SMO: variants seen among roughly 807,000 people sequenced by gnomAD.
The protein encoded by SMO is smoothened, frizzled class receptor, also known as protein smoothened.
In SMO, 40 loss-of-function variants were observed where a neutral mutation model predicts 81.6. The observed-to-expected ratio is 0.49, with a 90% CI of 0.38 to 0.64. SMO has a LOEUF of 0.64. Among genes scored for constraint, SMO ranks in the 30% least tolerant of loss-of-function variants. The pLI, the probability that SMO is intolerant of heterozygous loss-of-function variation, is 0.00. For missense variants in SMO, 916 were observed against 1,061.1 expected, an observed-to-expected ratio of 0.86 and a Z score of 1.90; for synonymous variants, 434 against 432.1, an observed-to-expected ratio of 1.00 and a Z score of -0.05.
At chr7:129,201,578 A>C (rs1793670506) in intron 1 of SMO, among the ~76,000 whole-genome samples, 1 of 152,196 alleles carries the variant, frequency 6.6e-6, no homozygotes, top group Non-Finnish European at 1.5e-5. Context: ...ACTATTTTGT[A>C]GGCAAATCCT....
At position 129,189,489 on chromosome 7, in the gene SMO, G is replaced by T. The variant is rs1163111550; in HGVS notation, c.331+7G>T. ...AAGCTCGTGCTCTGGTCGGGTAAGT[G>T]CGGCGGAGCCGGGTCTGGGGGGCGG... On this transcript the variant is annotated splice_region_variant and intron_variant, in intron 1 of 11. Coordinates refer to ENST00000249373, the MANE Select transcript of SMO (RefSeq NM_005631.5). The surrounding 1 kb of genome is among the most constrained non-coding windows in gnomAD (Gnocchi z 4.7). 29 of 1,536,062 alleles carry T rather than the reference G, an allele frequency of 1.9e-5. No homozygotes were observed. The highest frequency in any genetic ancestry group is 2.4e-5 in the Non-Finnish European group (28 of 1,146,704).
intron 1 of SMO, among the ~76,000 whole-genome samples, chr7:129,197,887 T>C (rs1396171649): frequency 1.3e-5 from 2 of 152,164 alleles, no homozygotes; most frequent in African/African-American, 2.4e-5. Context: ...AAATAAAAAG[T>C]CTTTTTAAAA....
chr7:129,190,284 C>T (rs1584651950), intron 1 of SMO, among the ~76,000 whole-genome samples: 1 of 152,234 alleles, frequency 6.6e-6, no homozygotes, highest in Admixed American at 6.5e-5. Flanking sequence ...GTCCCAAAGC[C>T]CCCTCACTGG....
chr7:129,206,332 C>T lies in SMO; in HGVS notation c.1103C>T (p.Pro368Leu), dbSNP rs2150650303. The change falls in exon 5 of 12, where the codon CCC (proline) becomes CTC (leucine). Residue 368 changes from proline (P) to leucine (L), a missense_variant. By Grantham distance (98) the Pro-to-Leu change is moderately conservative. Transcript: ENST00000249373. The surrounding 1 kb of genome is among the most constrained non-coding windows in gnomAD (Gnocchi z 4.4). Reference protein sequence around the residue: ...SYFHLLTWSLPFVLTVAILAV... With the variant: ...SYFHLLTWSLLFVLTVAILAV... ...TTCCACCTGCTCACCTGGTCACTCC[C>T]CTTTGTCCTCACTGTGGCAATCCTT... 2 of 1,614,210 alleles carry T rather than the reference C, an allele frequency of 1.2e-6. No homozygotes were observed. Among genetic ancestry groups the T allele is most frequent in the East Asian group, 2.2e-5 (1 of 44,878 alleles).
At chr7:129,197,378 CTT>C (rs1457264266) in intron 1 of SMO, among the ~76,000 whole-genome samples, 6 of 151,988 alleles carry the variant, frequency 3.9e-5, no homozygotes, top group African/African-American at 9.7e-5. Context: ...AACGTTGTCT[CTT>C]ATTTCAAATT....
intron 1 of SMO, among the ~76,000 whole-genome samples, chr7:129,192,783 A>G (rs989153643): frequency 1.3e-5 from 2 of 152,106 alleles, no homozygotes; most frequent in African/African-American, 4.8e-5. Context: ...TTTAGGCAGG[A>G]GGTGTGGCTT....
chr7:129,212,358 A>G lies in SMO; in HGVS notation c.2271A>G (p.Ala757=), dbSNP rs1793889832. 6.2e-7 allele frequency: 1 copy of G among 1,614,090 alleles called. No individual in the cohort carries two copies. Among genetic ancestry groups the G allele is most frequent in the Non-Finnish European group, 8.5e-7 (1 of 1,180,030 alleles). ...PFLPSAPAPV[A]WAHGRRQGLG... is the part of the protein sequence containing the mutation. ...TGCCCAGTGCACCGGCCCCCGTGGC[A>G]TGGGCTCATGGCCGCCGACAGGGCC... is the stretch of plus-strand genomic sequence containing the variant. Residue 757 remains alanine, a synonymous_variant, in exon 12 of 12, where the codon GCA becomes GCG. Coordinates refer to ENST00000249373, the MANE Select transcript of SMO (RefSeq NM_005631.5). This position sits in a 1 kb window ranked among gnomAD's most constrained non-coding sequence, Gnocchi z 5.0.
At chr7:129,198,071 G>T (rs1441490070) in intron 1 of SMO, among the ~76,000 whole-genome samples, 2 of 151,878 alleles carry the variant, frequency 1.3e-5, no homozygotes, top group Admixed American at 6.6e-5. Flanking sequence ...CTAGTAATTT[G>T]TGTATTTCTT....
chr7:129,212,528 T>G lies in SMO; in HGVS notation c.*77T>G. 1 of 1,369,304 alleles carries G rather than the reference T, an allele frequency of 7.3e-7. No homozygotes were observed. Among genetic ancestry groups the G allele is most frequent in the Non-Finnish European group, 1.0e-6 (1 of 999,694 alleles). 84.8% of individuals were successfully genotyped at this position (1,369,304 alleles called of 1,614,324 possible). On this transcript the variant is annotated 3_prime_UTR_variant, in exon 12 of 12. Coordinates refer to ENST00000249373, the MANE Select transcript of SMO (RefSeq NM_005631.5). This position sits in a 1 kb window ranked among gnomAD's most constrained non-coding sequence, Gnocchi z 5.0. ...GCTCTTCTTCCTCACCGAGCATGCT[T>G]CCCTAGGATCCCGTCTTCCAGAGAA...
chr7:129,205,094 T>C lies in SMO; in HGVS notation c.538-109T>C, dbSNP rs2150647885. 2.2e-5 allele frequency: 20 copies of C among 911,128 alleles called. No individual in the cohort carries two copies. The South Asian group carries it at 2.8e-4, about 13-fold the overall frequency. 56.4% of individuals were successfully genotyped at this position (911,128 alleles called of 1,614,324 possible). On this transcript the variant is annotated intron_variant, in intron 2 of 11. Transcript: ENST00000249373. The stretch of plus-strand genomic sequence containing the variant: ...CAAGCCAGCCCTGGGATTCAGGTCC[T>C]GGAAGTGTATCTCCAGCCACCCTGC...
chr7:129,199,822 T>C (rs1419909099), intron 1 of SMO, among the ~76,000 whole-genome samples: 1 of 152,174 alleles, frequency 6.6e-6, no homozygotes, highest in Non-Finnish European at 1.5e-5. Flanking sequence ...CAACGAAATA[T>C]TCTTTTTTTA....
At chr7:129,207,634 C>T (rs537558498) in intron 6 of SMO, among the ~76,000 whole-genome samples, 1 of 152,284 alleles carries the variant, frequency 6.6e-6, no homozygotes, top group African/African-American at 2.4e-5. Context: ...CGGCTCACTC[C>T]TGTAATCCCA....
chr7:129,205,223 G>A lies in SMO; in HGVS notation c.558G>A (p.Lys186=), dbSNP rs2150648076. The change falls in exon 3 of 12, where the codon AAG becomes AAA. Residue 186 remains lysine (K), a synonymous_variant. Transcript: ENST00000249373. The stretch of plus-strand genomic sequence containing the variant: ...GCCAGAATGAGGTGCAGAACATCAA[G>A]TTCAACAGTTCAGGCCAGTGCGAAG... ...EGCTNEVQNI[K]FNSSGQCEVP... is the part of the protein sequence containing the mutation. The A allele has an allele frequency of 6.2e-7, 1 of 1,614,170 alleles. No homozygotes were observed.
rs2150648268 is a variant in SMO, at chr7:129,205,290, G to A, written c.625G>A (p.Asp209Asn). ...AGACAACCCCAAGAGCTGGTACGAG[G>A]ACGTGGAGGGCTGCGGCATCCAGTG... ...RTDNPKSWYE[D>N]VEGCGIQCQN... is the part of the protein sequence containing the mutation. Residue 209 changes from aspartate (D) to asparagine (N), a missense_variant, in exon 3 of 12, where the codon GAC becomes AAC. Coordinates refer to ENST00000249373, the MANE Select transcript of SMO (RefSeq NM_005631.5). The A allele has an allele frequency of 6.2e-7, 1 of 1,614,236 alleles. No homozygotes were observed.
intron 1 of SMO, among the ~76,000 whole-genome samples, chr7:129,193,800 A>G (rs2150641176): frequency 9.5e-6 from 1 of 105,820 alleles, no homozygotes; most frequent in East Asian, 2.8e-4. Context: ...ATATATATAT[A>G]TATATATATA....
chr7:129,210,320 A>G lies in SMO; in HGVS notation c.1467-43A>G, dbSNP rs759963267. On this transcript the variant is annotated intron_variant, in intron 8 of 11. Coordinates refer to ENST00000249373, the MANE Select transcript of SMO (RefSeq NM_005631.5). The surrounding 1 kb of genome is among the most constrained non-coding windows in gnomAD (Gnocchi z 4.7). ...ATCCTATCTCAAAAAAAGAGAGAGG[A>G]AAAGAAAGGAAAGCCTCACCTGTCT... is the stretch of plus-strand genomic sequence containing the variant. 6 of 1,527,304 alleles carry G rather than the reference A, an allele frequency of 3.9e-6. No individual in the cohort carries two copies. Among genetic ancestry groups the G allele is most frequent in the Non-Finnish European group, 5.4e-6 (6 of 1,102,930 alleles). The allele number at this position is 1,527,304 out of a possible 1,614,324, so 94.6% of individuals were successfully genotyped here.
chr7:129,211,736 C>T lies in SMO; in HGVS notation c.1902C>T (p.Pro634=), dbSNP rs2150655760. The change falls in exon 11 of 12, where the codon CCC becomes CCT. Residue 634 remains proline (P), a synonymous_variant. Coordinates refer to ENST00000249373, the MANE Select transcript of SMO (RefSeq NM_005631.5). This position sits in a 1 kb window ranked among gnomAD's most constrained non-coding sequence, Gnocchi z 4.6. ...KMVARRGAIL[P]QDISVTPVAT... is the part of the protein sequence containing the mutation. Reference sequence around the variant, plus strand: ...TGGCTCGGAGAGGAGCCATACTGCCCCAGGATATTTCTGTCACCCCTGTGG... The same window carrying T: ...TGGCTCGGAGAGGAGCCATACTGCCTCAGGATATTTCTGTCACCCCTGTGG... 6.2e-7 allele frequency: 1 copy of T among 1,614,066 alleles called. No homozygotes were observed.
At position 129,194,209 on chromosome 7, in the gene SMO, A is replaced by T. The variant is rs111797560; in HGVS notation, c.331+4727A>T. Among the ~76,000 whole-genome samples the T allele has an allele frequency of 6.8e-3, 1,035 of 151,576 alleles. 15 individuals are homozygous for T. Among genetic ancestry groups the T allele is most frequent in the African/African-American group, 0.023 (969 of 41,332 alleles). On this transcript the variant is annotated intron_variant, in intron 1 of 11. Coordinates refer to ENST00000249373, the MANE Select transcript of SMO (RefSeq NM_005631.5). ...ACATACATGGACCTAAGTCTTTTTT[A>T]AAAAAAAATTATCTTTAATTAATTA...
At position 129,189,824 on chromosome 7, in the gene SMO, C is replaced by T. The variant is rs1793457206; in HGVS notation, c.331+342C>T. Reference sequence around the variant, plus strand: ...GGAGATGCTCCACCTATTCTGGAAGCAGGGTGCCGGGGGATTCAAGGAGGT... The same window carrying T: ...GGAGATGCTCCACCTATTCTGGAAGTAGGGTGCCGGGGGATTCAAGGAGGT... On this transcript the variant is annotated intron_variant, in intron 1 of 11. Transcript: ENST00000249373. This position sits in a 1 kb window ranked among gnomAD's most constrained non-coding sequence, Gnocchi z 4.7. 6.6e-6 allele frequency among the ~76,000 whole-genome samples: 1 copy of T among 151,976 alleles called. No homozygotes were observed.
Sources: gnomAD v4.1 joint callset for allele counts (sites outside exome capture counted in the v4.1 genomes callset) on GRCh38, gnomAD v4.1.1 for gene constraint, Gnocchi (gnomAD v3.1) non-coding constraint, MANE v1.5 for transcripts, NCBI Gene and HGNC (gene_info 2026-07-23, HGNC 2026-07-21) for gene names.